Variants in OXSR1 observed in about 807,000 individuals in gnomAD.
The protein encoded by OXSR1 is oxidative stress responsive kinase 1, also known as serine/threonine-protein kinase OSR1.
Under a neutral mutation model 79.8 loss-of-function variants are expected in OXSR1, and 24 were observed. The ratio of observed to expected loss-of-function variants is 0.30; its 90% CI spans 0.22 to 0.42. OXSR1 has a LOEUF of 0.42. Among genes scored for constraint, OXSR1 ranks in the 10% least tolerant of loss-of-function variants. The pLI is 1.00. For missense variants in OXSR1, 430 were observed against 618.4 expected (o/e 0.70, Z 3.23); for synonymous variants, 226 against 209.2 (o/e 1.08, Z -0.69).
intron 4 of OXSR1, among the ~76,000 whole-genome samples, chr3:38,213,902 A>G (rs937603850): frequency 6.6e-6 from 1 of 152,168 alleles, no homozygotes; most frequent in African/African-American, 2.4e-5. Context: ...TTTATTTAGC[A>G]TTCATTTTTC....
intron 3 of OXSR1, among the ~76,000 whole-genome samples, chr3:38,196,365 CAAGAG>C (rs1332745868): frequency 2.6e-5 from 4 of 152,138 alleles, no homozygotes. Context: ...TTAGAGGCTA[CAAGAG>C]GCTTAGAAAA....
rs189284922 is a variant in OXSR1, at chr3:38,179,438, A to C, written c.71-3565A>C. 7.1e-3 allele frequency among the ~76,000 whole-genome samples: 1,076 copies of C among 152,262 alleles called. 18 individuals are homozygous for C. The highest frequency in any genetic ancestry group is 0.025 in the African/African-American group (1,032 of 41,534). ...CGCCTTGGCCTCCCAAAGTGTTAGG[A>C]CTACAGGCGTGAGTCATTATTTCTG... On this transcript the variant is annotated intron_variant, in intron 1 of 17. Coordinates refer to ENST00000311806, the MANE Select transcript of OXSR1 (RefSeq NM_005109.3).
rs368646395 is a variant in OXSR1 at position 38,232,733 on chromosome 3, C to T, written c.951+2303C>T. 9.2e-5 allele frequency among the ~76,000 whole-genome samples: 14 copies of T among 152,050 alleles called. No homozygotes were observed. In the East Asian group the frequency reaches 1.2e-3, roughly 13 times the overall value. On this transcript the variant is annotated intron_variant, in intron 10 of 17. Coordinates refer to ENST00000311806, the MANE Select transcript of OXSR1 (RefSeq NM_005109.3). ...CAAGATCATGCCACTGCACTCCAGC[C>T]CGGGTGACAGAGTGAGACTGTGTCT...
At chr3:38,208,548 A>G (rs1264339648) in intron 4 of OXSR1, among the ~76,000 whole-genome samples, 1 of 152,102 alleles carries the variant, frequency 6.6e-6, no homozygotes, top group Non-Finnish European at 1.5e-5. Flanking sequence ...ATTTTTTCCT[A>G]GAGTGGAATG....
chr3:38,178,486 C>T (rs979972177), intron 1 of OXSR1, among the ~76,000 whole-genome samples: 4 of 151,276 alleles, frequency 2.6e-5, no homozygotes, highest in South Asian at 4.2e-4. Context: ...GTCACCCAGG[C>T]GGAGTGTGGT....
intron 1 of OXSR1, among the ~76,000 whole-genome samples, chr3:38,182,187 G>C (rs569348910): frequency 6.6e-6 from 1 of 152,268 alleles, no homozygotes; most frequent in East Asian, 1.9e-4. Flanking sequence ...GGCACCTCTA[G>C]AACTCCCGTT....
intron 1 of OXSR1, 147 bp downstream of exon 1, chr3:38,166,093 G>A (rs1701447335): frequency 1.4e-6 from 1 of 732,854 alleles, no homozygotes; most frequent in African/African-American, 1.7e-5. Context: ...GGACGCTTGT[G>A]TCGAGGAGCG....
intron 13 of OXSR1, 66 bp downstream of exon 13, chr3:38,246,287 G>A: frequency 6.8e-7 from 1 of 1,473,262 alleles, no homozygotes; most frequent in Admixed American, 1.8e-5. Context: ...ATATTAACGT[G>A]GAATATAACC....
At chr3:38,227,679 C>T (rs1211144006) in intron 8 of OXSR1, among the ~76,000 whole-genome samples, 2 of 151,884 alleles carry the variant, frequency 1.3e-5, no homozygotes, top group Admixed American at 6.6e-5. Flanking sequence ...TGAGAATTTT[C>T]GAGAGTTGAT....
intron 2 of OXSR1, among the ~76,000 whole-genome samples, chr3:38,189,155 A>G (rs1214826603): frequency 6.6e-6 from 1 of 152,092 alleles, no homozygotes; most frequent in Non-Finnish European, 1.5e-5. Context: ...CATGGTTCCC[A>G]CCTATTCTGT....
chr3:38,240,928 T>C (rs1015577345), intron 11 of OXSR1, among the ~76,000 whole-genome samples: 1 of 152,116 alleles, frequency 6.6e-6, no homozygotes, highest in Non-Finnish European at 1.5e-5. Context: ...GACCAGTAAA[T>C]ATGGACGAGT....
At chr3:38,195,597 A>G (rs1702060059) in intron 3 of OXSR1, among the ~76,000 whole-genome samples, 1 of 152,212 alleles carries the variant, frequency 6.6e-6, no homozygotes, top group Non-Finnish European at 1.5e-5. Flanking sequence ...AACTAAGTTG[A>G]ATGAATTGAT....
At chr3:38,201,140 A>G (rs1702155933) in intron 4 of OXSR1, among the ~76,000 whole-genome samples, 1 of 152,012 alleles carries the variant, frequency 6.6e-6, no homozygotes, top group Non-Finnish European at 1.5e-5. Context: ...TCCTGGGCTC[A>G]AGCATTCCTC....
chr3:38,173,708 A>C (rs922385078), intron 1 of OXSR1, among the ~76,000 whole-genome samples: 5 of 152,208 alleles, frequency 3.3e-5, no homozygotes, highest in African/African-American at 1.2e-4. Flanking sequence ...TTTCCTTGAA[A>C]ATATACCCCA....
chr3:38,208,993 CGCGT>C (rs1449111177), intron 4 of OXSR1, among the ~76,000 whole-genome samples: 1 of 151,140 alleles, frequency 6.6e-6, no homozygotes, highest in Non-Finnish European at 1.5e-5. Flanking sequence ...TGTGCGCGCG[CGCGT>C]GCGCGCATGT....
At chr3:38,246,040 C>G in intron 12 of OXSR1, 35 bp from the exon 13 acceptor site, 1 of 1,607,040 alleles carries the variant, frequency 6.2e-7, no homozygotes, top group Non-Finnish European at 8.5e-7. Flanking sequence ...CCTTTCCACA[C>G]AACTTAAGCA....
At chr3:38,166,044 T>C (rs1701445744) in intron 1 of OXSR1, 98 bp downstream of exon 1, 1 of 1,097,522 alleles carries the variant, frequency 9.1e-7, no homozygotes, top group Non-Finnish European at 1.4e-6. Context: ...GCAGCCCTCA[T>C]AGGAATTCGT....
rs766683822 is a variant in OXSR1, at chr3:38,229,720, T to C, written c.870T>C (p.Phe290=). 1 of 1,611,700 alleles carries C rather than the reference T, an allele frequency of 6.2e-7. No individual in the cohort carries two copies. Among genetic ancestry groups the C allele is most frequent in the South Asian group, 1.1e-5 (1 of 90,696 alleles). Residue 290 remains phenylalanine, a synonymous_variant, in exon 9 of 18, where the codon TTT becomes TTC. Transcript: ENST00000311806. Reference sequence around the variant, plus strand: ...CAGCAGAACTATTAAGGCACAAATTTTTCCAGAAAGCAAAGGTAGGAAATT... The same window carrying C: ...CAGCAGAACTATTAAGGCACAAATTCTTCCAGAAAGCAAAGGTAGGAAATT... ...PTAAELLRHK[F]FQKAKNKEFL...
At chr3:38,228,248 C>T (rs1702731386) in intron 8 of OXSR1, among the ~76,000 whole-genome samples, 1 of 151,886 alleles carries the variant, frequency 6.6e-6, no homozygotes, top group African/African-American at 2.4e-5. Flanking sequence ...TTAAAGAACC[C>T]ATAAGTTGTA....
Sources: allele counts gnomAD v4.1 joint callset (sites outside exome capture counted in the v4.1 genomes callset), GRCh38; gene constraint gnomAD v4.1.1; transcripts MANE v1.5; gene names NCBI Gene and HGNC (gene_info 2026-07-23, HGNC 2026-07-21).